FSTL4: variants seen among roughly 807,000 people sequenced by gnomAD.
FSTL4 encodes follistatin-related protein 4.
FSTL4 carries 28 observed loss-of-function variants against 78.2 expected under a neutral mutation model. That is an observed-to-expected ratio of 0.36 (90% CI 0.27 to 0.49). The LOEUF (loss-of-function observed/expected upper bound fraction) is 0.49, where lower values mean the gene tolerates loss of function less well. Ranked by LOEUF, FSTL4 falls within the 20% of genes least tolerant of loss-of-function variation. The probability of loss-of-function intolerance (pLI) is 0.98; values close to 1 mark genes in which losing one functional copy is unlikely to be tolerated. For synonymous variants in FSTL4, 422 were observed against 440.5 expected (o/e 0.96, Z 0.53); for missense variants, 922 against 1,084.9 (o/e 0.85, Z 2.11).
At chr5:133,413,637 T>G (rs982542672) in intron 3 of FSTL4, among the ~76,000 whole-genome samples, 1 of 152,196 alleles carries the variant, frequency 6.6e-6, no homozygotes, top group East Asian at 1.9e-4. Context: ...ATTCCATTAT[T>G]TTTCTCCCTC....
At chr5:133,278,410 C>T (rs1051922603) in intron 6 of FSTL4, among the ~76,000 whole-genome samples, 1 of 152,234 alleles carries the variant, frequency 6.6e-6, no homozygotes, top group African/African-American at 2.4e-5. Context: ...CATGGAGAGC[C>T]CTTCCATTTT....
chr5:133,233,992 A>C (rs1009389078), intron 7 of FSTL4, among the ~76,000 whole-genome samples: 1 of 152,174 alleles, frequency 6.6e-6, no homozygotes, highest in African/African-American at 2.4e-5. Flanking sequence ...TTTTGGCTTC[A>C]TGGGTAGCAC....
chr5:133,717,792 C>T, the FSTL4 span, among the ~76,000 whole-genome samples: 6 of 152,196 alleles, frequency 3.9e-5, no homozygotes, highest in Non-Finnish European at 8.8e-5. Flanking sequence ...CTGCATCATG[C>T]AGATACACCA....
At chr5:133,394,367 C>A (rs142902179) in intron 4 of FSTL4, among the ~76,000 whole-genome samples, 1 of 152,168 alleles carries the variant, frequency 6.6e-6, no homozygotes, top group African/African-American at 2.4e-5. Context: ...GAGGCACCGG[C>A]GGGAACTGGG....
the FSTL4 span, among the ~76,000 whole-genome samples, chr5:133,734,281 T>C: frequency 3.3e-5 from 5 of 152,202 alleles, no homozygotes; most frequent in Non-Finnish European, 7.3e-5. Context: ...CATCCTGCAG[T>C]CAGGGAAATT....
chr5:133,463,492 C>T (rs1227166704), intron 3 of FSTL4, among the ~76,000 whole-genome samples: 2 of 152,218 alleles, frequency 1.3e-5, no homozygotes, highest in Non-Finnish European at 2.9e-5. Flanking sequence ...AGCAATTTCT[C>T]TTCACCACTG....
In FSTL4 at chr5:133,467,185, C is replaced by T. The variant is rs1026636421; in HGVS notation, c.161-66199G>A. On this transcript the variant is annotated intron_variant, in intron 3 of 15. Coordinates refer to ENST00000265342, the MANE Select transcript of FSTL4 (RefSeq NM_015082.2). The stretch of plus-strand genomic sequence containing the variant: ...GTGAGTGTATGAGTGTGGGAGTATG[C>T]GTGTATGTGAGTATATGAGTGTGTG... Among the ~76,000 whole-genome samples the T allele has an allele frequency of 3.4e-5, 5 of 145,462 alleles. No individual in the cohort carries two copies. In the South Asian group the frequency reaches 8.9e-4, roughly 26 times the overall value.
intron 6 of FSTL4, among the ~76,000 whole-genome samples, chr5:133,269,864 G>A (rs1024043493): frequency 2.0e-5 from 3 of 152,236 alleles, no homozygotes; most frequent in Non-Finnish European, 4.4e-5. Context: ...TGCTTGTAAA[G>A]CTTAGAGAGG....
At chr5:133,694,726 T>G in the FSTL4 span, among the ~76,000 whole-genome samples, 2 of 151,804 alleles carry the variant, frequency 1.3e-5, no homozygotes, top group African/African-American at 2.4e-5. Context: ...CCACAGAAAT[T>G]TATTTCTCAT....
At chr5:133,503,024 T>A (rs1014333195) in intron 3 of FSTL4, among the ~76,000 whole-genome samples, 1 of 152,226 alleles carries the variant, frequency 6.6e-6, no homozygotes, top group Non-Finnish European at 1.5e-5. Flanking sequence ...TTTGTGGTAA[T>A]TTGTTACAGC....
At chr5:133,411,359 A>G (rs1386526561) in intron 3 of FSTL4, among the ~76,000 whole-genome samples, 1 of 152,174 alleles carries the variant, frequency 6.6e-6, no homozygotes, top group Non-Finnish European at 1.5e-5. Flanking sequence ...GGGAACTATG[A>G]TTTTTGAGCC....
intron 4 of FSTL4, among the ~76,000 whole-genome samples, chr5:133,334,891 G>A (rs991371278): frequency 3.3e-5 from 5 of 152,130 alleles, no homozygotes; most frequent in Non-Finnish European, 7.4e-5. Context: ...CTGGGTGGGG[G>A]TGTGGGTTTT....
chr5:133,674,585 A>G, the FSTL4 span, among the ~76,000 whole-genome samples: 3 of 149,922 alleles, frequency 2.0e-5, no homozygotes, highest in Non-Finnish European at 3.0e-5. Context: ...AGACTTCCAT[A>G]TGTGTGTGTG....
At chr5:133,794,843 G>C in the FSTL4 span, among the ~76,000 whole-genome samples, 1 of 152,084 alleles carries the variant, frequency 6.6e-6, no homozygotes, top group African/African-American at 2.4e-5. Context: ...CAGAAGACGG[G>C]GGGAAGATCC....
chr5:133,239,825 T>G (rs990502947), intron 7 of FSTL4, among the ~76,000 whole-genome samples: 15 of 152,348 alleles, frequency 9.8e-5, no homozygotes, highest in Admixed American at 9.1e-4. Context: ...AGAACTTTTG[T>G]GTCTAGCTCA....
At chr5:133,604,058 A>G in intron 1 of FSTL4, 65 bp from the exon 2 acceptor site, 2 of 1,174,856 alleles carry the variant, frequency 1.7e-6, no homozygotes, top group East Asian at 2.4e-5. Context: ...AGTCACAGTG[A>G]GTTAGTATGT....
intron 3 of FSTL4, among the ~76,000 whole-genome samples, chr5:133,470,574 G>C (rs557520365): frequency 1.3e-5 from 2 of 151,948 alleles, no homozygotes; most frequent in South Asian, 2.1e-4. Context: ...GTGAAACCCC[G>C]TCTCTACTAA....
intron 4 of FSTL4, among the ~76,000 whole-genome samples, chr5:133,352,925 C>T (rs1754862544): frequency 6.6e-6 from 1 of 152,128 alleles, no homozygotes; most frequent in African/African-American, 2.4e-5. Context: ...ATTTTAAACA[C>T]TCTTTAAAAA....
chr5:133,651,446 T>A, the FSTL4 span, among the ~76,000 whole-genome samples: 8 of 152,264 alleles, frequency 5.3e-5, no homozygotes, highest in Non-Finnish European at 8.8e-5. Context: ...TTTATTATTA[T>A]GAATGGGTGT....
Sources: gnomAD v4.1 joint callset for allele counts (sites outside exome capture counted in the v4.1 genomes callset) on GRCh38, gnomAD v4.1.1 for gene constraint, MANE v1.5 for transcripts, NCBI Gene and HGNC (gene_info 2026-07-23, HGNC 2026-07-21) for gene names.